The following CFAP74 variants were observed in gnomAD, a reference collection of about 807,000 sequenced individuals.
The protein encoded by CFAP74 is cilia and flagella associated protein 74, also known as cilia- and flagella-associated protein 74.
A neutral mutation model predicts 188.9 loss-of-function variants in CFAP74; 124 were observed. That is an observed-to-expected ratio of 0.66 (90% confidence interval 0.57 to 0.76). The LOEUF (loss-of-function observed/expected upper bound fraction) is 0.76. Among genes scored for constraint, CFAP74 ranks in the 30% least tolerant of loss-of-function variants. The pLI is 0.00. For synonymous variants in CFAP74, 956 were observed against 916.7 expected, an observed-to-expected ratio of 1.04 and a Z score of -0.77; for missense variants, 2,198 against 2,165.2, an observed-to-expected ratio of 1.02 and a Z score of -0.30.
intron 26 of CFAP74, among the ~76,000 whole-genome samples, chr1:1,929,859 G>A (rs532521375): frequency 2.5e-4 from 38 of 152,196 alleles, no homozygotes; most frequent in Non-Finnish European, 4.3e-4. Context: ...CCCCCCGATG[G>A]GGGTGGCCTT....
chr1:1,940,206 G>A lies in CFAP74; in HGVS notation c.2703+110C>T, dbSNP rs903043979. 45 of 838,772 alleles carry A rather than the reference G, an allele frequency of 5.4e-5. No individual in the cohort carries two copies. In the East Asian group the frequency reaches 1.2e-3, roughly 22 times the overall value. The allele number at this position is 838,772 out of a possible 1,614,324, so 52.0% of individuals were successfully genotyped here. A position where few individuals can be genotyped will look rare whatever the true frequency, so the allele number is the denominator to read the frequency against. On this transcript the variant is annotated intron_variant, in intron 23 of 38. Transcript: ENST00000682832. ...GCTAGACGCCTCCTGGAAGGCAAGTGAGGATGAGCCCTTTTGGGGGCCCTC... is the reference window on the plus strand; with the variant it reads ...GCTAGACGCCTCCTGGAAGGCAAGTAAGGATGAGCCCTTTTGGGGGCCCTC...
At chr1:1,956,228 G>A (rs1272667231) in intron 17 of CFAP74, among the ~76,000 whole-genome samples, 2 of 152,252 alleles carry the variant, frequency 1.3e-5, no homozygotes, top group African/African-American at 4.8e-5. Flanking sequence ...GACAGGACAA[G>A]ACGCGCTCAC....
At position 1,956,743 on chromosome 1, in the gene CFAP74, C is replaced by T. The variant is rs562663966; in HGVS notation, c.1893G>A (p.Val631=). 15 of 1,613,732 alleles carry T rather than the reference C, an allele frequency of 9.3e-6. No individual in the cohort carries two copies. The highest frequency in any genetic ancestry group is 1.3e-5 in the African/African-American group (1 of 75,066). Residue 631 remains valine (V), a synonymous_variant, in exon 17 of 39, where the codon GTG becomes GTA. Transcript: ENST00000682832. ...DKELIDFGSY[V]VGETTSRTIT... is the part of the protein sequence containing the mutation. ...TGGTCCGAGACGTGGTCTCTCCTAC[C>T]ACGTAGCTGCCGAAGTCAATGAGCT...
At chr1:1,945,736 GA>G (rs1376255073) in intron 20 of CFAP74, among the ~76,000 whole-genome samples, 5 of 151,952 alleles carry the variant, frequency 3.3e-5, no homozygotes, top group African/African-American at 1.2e-4. Flanking sequence ...GTTGAGGCAG[GA>G]GGATCACTTG....
chr1:1,958,557 G>T (rs1654835980), intron 16 of CFAP74, among the ~76,000 whole-genome samples: 1 of 152,224 alleles, frequency 6.6e-6, no homozygotes, highest in South Asian at 2.1e-4. Context: ...ATGATGTGTG[G>T]GTTCCTGGTT....
At chr1:1,927,346 CG>C in intron 28 of CFAP74, 3 of 541,210 alleles carry the variant, frequency 5.5e-6, no homozygotes, top group East Asian at 3.1e-5. Flanking sequence ...ATTCTGCACC[CG>C]GGGGGCTGGG....
At chr1:1,924,110 C>T (rs1330002049) in intron 34 of CFAP74, among the ~76,000 whole-genome samples, 181 bp from the exon 35 acceptor site, 6 of 103,264 alleles carry the variant, frequency 5.8e-5, no homozygotes, top group Admixed American at 5.8e-4. Context: ...CCACCCCCCC[C>T]ATCTCACCAA....
chr1:1,992,462 C>T (rs532912855), intron 1 of CFAP74, among the ~76,000 whole-genome samples: 17 of 151,548 alleles, frequency 1.1e-4, no homozygotes, highest in Admixed American at 5.9e-4. Flanking sequence ...GCCACTACAT[C>T]TGGCACCAAA....
rs958214700 is a variant in CFAP74 at position 1,955,090 on chromosome 1, A to T, written c.2176+601T>A. 5 of 438,502 alleles carry T rather than the reference A, an allele frequency of 1.1e-5. No individual in the cohort carries two copies. The East Asian group carries it at 9.6e-4, about 84-fold the overall frequency. The allele number at this position is 438,502 out of a possible 1,614,324, so 27.2% of individuals were successfully genotyped here. Reference sequence around the variant, plus strand: ...CTCACACCGGAAGTGCGGCTCACACAGGCTGTGGAGAACCGGCCCAGCTCC... The same window carrying T: ...CTCACACCGGAAGTGCGGCTCACACTGGCTGTGGAGAACCGGCCCAGCTCC... On this transcript the variant is annotated intron_variant, in intron 18 of 38. Coordinates refer to ENST00000682832, the MANE Select transcript of CFAP74 (RefSeq NM_001304360.2).
At chr1:1,977,630 G>C (rs1316035003) in intron 6 of CFAP74, among the ~76,000 whole-genome samples, 1 of 152,210 alleles carries the variant, frequency 6.6e-6, no homozygotes, top group Non-Finnish European at 1.5e-5. Context: ...AACCCTGCCA[G>C]ACCGCAGAGG....
At position 1,923,967 on chromosome 1, in the gene CFAP74, C is replaced by A. The variant is rs187037253; in HGVS notation, c.4235-38G>T. On this transcript the variant is annotated intron_variant, in intron 34 of 38. Transcript: ENST00000682832. The surrounding 1 kb of genome is among the most constrained non-coding windows in gnomAD (Gnocchi z 6.3). Reference sequence around the variant, plus strand: ...TGGGGTGCAGTTTGGCCTTCTCCACCTGCAATCACTGTCTGCCCTCCAAGC... The same window carrying A: ...TGGGGTGCAGTTTGGCCTTCTCCACATGCAATCACTGTCTGCCCTCCAAGC... 409 of 1,578,100 alleles carry A rather than the reference C, an allele frequency of 2.6e-4. 1 individual carries two copies. In the African/African-American group the frequency reaches 4.9e-3, roughly 19 times the overall value.
At chr1:1,967,208 T>C (rs1363636806) in intron 11 of CFAP74, among the ~76,000 whole-genome samples, 1 of 152,044 alleles carries the variant, frequency 6.6e-6, no homozygotes, top group Non-Finnish European at 1.5e-5. Context: ...ATGGCTGTGG[T>C]GGTTTCCTCA....
rs887980262 is a variant in CFAP74 at position 1,944,259 on chromosome 1, T to C, written c.2486+72A>G. ...CGTGGACAGGAGGGGGCTCACCGCG[T>C]GTGCACAGGCAGGCAGCGGCTCACC... On this transcript the variant is annotated intron_variant, in intron 21 of 38. Coordinates refer to ENST00000682832, the MANE Select transcript of CFAP74 (RefSeq NM_001304360.2). 1.1e-5 allele frequency: 16 copies of C among 1,508,370 alleles called. No homozygotes were observed. The African/African-American group carries it at 2.1e-4, about 20-fold the overall frequency. The allele number at this position is 1,508,370 out of a possible 1,614,324, so 93.4% of individuals were successfully genotyped here. A position where few individuals can be genotyped will look rare whatever the true frequency, so the allele number is the denominator to read the frequency against.
At chr1:1,947,648 G>A (rs28573337) in intron 18 of CFAP74, among the ~76,000 whole-genome samples, 33,296 of 152,132 alleles carry the variant, frequency 0.22, 3,789 homozygotes, top group Non-Finnish European at 0.25. Context: ...GAGGCCACGC[G>A]CAGGTTGGCA....
At position 1,992,785 on chromosome 1, in the gene CFAP74, C is replaced by G. The variant is rs569419317; in HGVS notation, c.-19-1810G>C. ...CACCACGCCTGGCCCAAAAACAATT[C>G]TTAAATAATTTCAAAATTATCATTA... On this transcript the variant is annotated intron_variant, in intron 1 of 38. Coordinates refer to ENST00000682832, the MANE Select transcript of CFAP74 (RefSeq NM_001304360.2). Among the ~76,000 whole-genome samples the G allele has an allele frequency of 2.6e-5, 4 of 151,896 alleles. No homozygotes were observed. In the East Asian group the frequency reaches 5.9e-4, roughly 22 times the overall value.
chr1:1,925,287 T>C (rs1444973036), intron 33 of CFAP74, among the ~76,000 whole-genome samples: 1 of 143,956 alleles, frequency 6.9e-6, no homozygotes, highest in Non-Finnish European at 1.5e-5. Flanking sequence ...CACACGCTGG[T>C]GCAAAGGCAT....
intron 9 of CFAP74, among the ~76,000 whole-genome samples, chr1:1,971,398 C>CAT (rs1491344116): frequency 7.1e-4 from 108 of 151,524 alleles, no homozygotes; most frequent in African/African-American, 2.6e-3. Context: ...CGTGCACACA[C>CAT]GGTCACACAT....
chr1:1,985,949 G>C (rs945605526), intron 5 of CFAP74, among the ~76,000 whole-genome samples: 3 of 152,260 alleles, frequency 2.0e-5, no homozygotes, highest in Admixed American at 2.0e-4. Flanking sequence ...GCGGTGGGCG[G>C]TTGCCCACGA....
intron 14 of CFAP74, among the ~76,000 whole-genome samples, chr1:1,961,806 G>A (rs1162471800): frequency 1.3e-5 from 2 of 152,204 alleles, no homozygotes; most frequent in Non-Finnish European, 2.9e-5. Context: ...AAGGAGACGG[G>A]AACAAAGACC....
Sources: allele counts gnomAD v4.1 joint callset (sites outside exome capture counted in the v4.1 genomes callset), GRCh38; gene constraint gnomAD v4.1.1; non-coding constraint Gnocchi (gnomAD v3.1); transcripts MANE v1.5; gene names NCBI Gene and HGNC (gene_info 2026-07-23, HGNC 2026-07-21).